LRP1B: variants seen among roughly 807,000 people sequenced by gnomAD.
The protein encoded by LRP1B is LDL receptor related protein 1B.
A neutral mutation model predicts 556.6 loss-of-function variants in LRP1B; 217 were observed. That is an observed-to-expected ratio of 0.39 (90% CI 0.35 to 0.44). The LOEUF (loss-of-function observed/expected upper bound fraction) is 0.44, where lower values mean the gene tolerates loss of function less well. LRP1B is among the 20% of genes least tolerant of loss of function. The pLI, the probability that LRP1B is intolerant of heterozygous loss-of-function variation, is 1.00. For synonymous variants in LRP1B, 2,047 were observed against 1,865.8 expected (o/e 1.10, Z -2.50); for missense variants, 5,053 against 5,620.8 (o/e 0.90, Z 3.23).
At chr2:140,653,300 T>C (rs986081582) in intron 41 of LRP1B, among the ~76,000 whole-genome samples, 1 of 152,074 alleles carries the variant, frequency 6.6e-6, no homozygotes, top group Non-Finnish European at 1.5e-5. Context: ...TAGCAAAAGT[T>C]TACTCCCTTG....
At chr2:140,882,452 C>A (rs1328047661) in intron 25 of LRP1B, among the ~76,000 whole-genome samples, 1 of 152,194 alleles carries the variant, frequency 6.6e-6, no homozygotes, top group African/African-American at 2.4e-5. Context: ...ACAGCTACTA[C>A]TCAGCTAGTT....
intron 7 of LRP1B, among the ~76,000 whole-genome samples, chr2:141,124,663 T>C (rs558006972): frequency 3.3e-5 from 2 of 60,852 alleles, no homozygotes; most frequent in East Asian, 7.9e-4. Context: ...GAGTGACAAA[T>C]GAAAAAAAAA....
intron 41 of LRP1B, among the ~76,000 whole-genome samples, chr2:140,681,343 C>T (rs561272588): frequency 2.6e-5 from 4 of 152,044 alleles, no homozygotes; most frequent in African/African-American, 9.7e-5. Flanking sequence ...AATTCATTCA[C>T]AGCTAAAGTC....
chr2:141,545,306 C>G (rs1407394931), intron 2 of LRP1B, among the ~76,000 whole-genome samples: 1 of 152,132 alleles, frequency 6.6e-6, no homozygotes, highest in Admixed American at 6.5e-5. Context: ...TAAGCACTTC[C>G]ACACTGTTGT....
intron 1 of LRP1B, among the ~76,000 whole-genome samples, chr2:141,977,288 G>A (rs1701913821): frequency 6.6e-6 from 1 of 151,980 alleles, no homozygotes; most frequent in Admixed American, 6.6e-5. Context: ...ATACTGAAAG[G>A]CCACTGGGCA....
intron 2 of LRP1B, among the ~76,000 whole-genome samples, chr2:141,583,312 C>G (rs1687017683): frequency 6.6e-6 from 1 of 152,070 alleles, no homozygotes; most frequent in African/African-American, 2.4e-5. Context: ...TCAGATACCT[C>G]TAAGGAGAGA....
chr2:141,934,615 T>G (rs919369560), intron 1 of LRP1B, among the ~76,000 whole-genome samples: 3 of 151,894 alleles, frequency 2.0e-5, no homozygotes, highest in Admixed American at 6.6e-5. Context: ...AATCCCCACA[T>G]GTTGTGGGAG....
chr2:140,851,447 T>C (rs1212865354), intron 28 of LRP1B, among the ~76,000 whole-genome samples: 1 of 152,106 alleles, frequency 6.6e-6, no homozygotes, highest in African/African-American at 2.4e-5. Flanking sequence ...AAGTACAACA[T>C]ATCACATATT....
chr2:140,977,177 T>C (rs1028769015), intron 18 of LRP1B, among the ~76,000 whole-genome samples: 2 of 152,116 alleles, frequency 1.3e-5, no homozygotes, highest in African/African-American at 2.4e-5. Flanking sequence ...TGGGAGGTAA[T>C]TGAAACATGG....
chr2:140,308,771 TATAA>T (rs1402373910), intron 83 of LRP1B, among the ~76,000 whole-genome samples: 3 of 151,834 alleles, frequency 2.0e-5, no homozygotes, highest in Admixed American at 6.6e-5. Context: ...AGAGCATAGT[TATAA>T]ATGTTTATAT....
rs147792677 is a variant in LRP1B at position 140,493,772 on chromosome 2, A to G, written c.9035-1079T>C. 8.9e-4 allele frequency among the ~76,000 whole-genome samples: 135 copies of G among 152,094 alleles called. 3 individuals are homozygous for G. Among genetic ancestry groups the G allele is most frequent in the South Asian group, 6.4e-3 (31 of 4,818 alleles). On this transcript the variant is annotated intron_variant, in intron 56 of 90. Coordinates refer to ENST00000389484, the MANE Select transcript of LRP1B (RefSeq NM_018557.3). Reference sequence around the variant, plus strand: ...CATTATTTTTCTCCCCTTGTCTTTTAGTTTTGTAATTAATATGTAATACCA... The same window carrying G: ...CATTATTTTTCTCCCCTTGTCTTTTGGTTTTGTAATTAATATGTAATACCA...
In LRP1B at chr2:140,370,848, C is replaced by G; in HGVS notation, c.10876-6G>C. 6.2e-7 allele frequency: 1 copy of G among 1,611,636 alleles called. No individual in the cohort carries two copies. The highest frequency in any genetic ancestry group is 8.5e-7 in the Non-Finnish European group (1 of 1,178,560). On this transcript the variant is annotated splice_polypyrimidine_tract_variant and splice_region_variant and intron_variant, in intron 70 of 90. Coordinates refer to ENST00000389484, the MANE Select transcript of LRP1B (RefSeq NM_018557.3). ...CATTCAGTCACACAGTCCATCTGTT[C>G]AAATACAAATGGACACTGCAGTTTT...
At chr2:141,033,617 G>T (rs1296730415) in intron 11 of LRP1B, among the ~76,000 whole-genome samples, 4 of 152,034 alleles carry the variant, frequency 2.6e-5, no homozygotes, top group African/African-American at 9.6e-5. Flanking sequence ...CCTTTGGGAG[G>T]TAATTAGGCT....
In LRP1B at chr2:142,066,283, G is replaced by GTTTA. The variant is rs1705105928; in HGVS notation, c.82+64361_82+64364dup. ...GTAAAATCATTAAGTCCAGTTTTTT[G>GTTTA]TTTAACAGTTCTTTGCTTACTCTAT... On this transcript the variant is annotated intron_variant, in intron 1 of 90. Transcript: ENST00000389484. Among the ~76,000 whole-genome samples, 5 of 151,272 alleles carry GTTTA rather than the reference G, an allele frequency of 3.3e-5. No individual in the cohort carries two copies. The South Asian group carries it at 1.0e-3, about 31-fold the overall frequency.
intron 7 of LRP1B, among the ~76,000 whole-genome samples, chr2:141,126,860 TTTC>T (rs946625061): frequency 1.3e-4 from 19 of 150,934 alleles, no homozygotes; most frequent in Middle Eastern, 3.4e-3. Flanking sequence ...TTAATTCATT[TTTC>T]TTCTTTTCTT....
At chr2:141,166,534 A>C (rs1680270093) in intron 7 of LRP1B, among the ~76,000 whole-genome samples, 1 of 151,892 alleles carries the variant, frequency 6.6e-6, no homozygotes, top group African/African-American at 2.4e-5. Flanking sequence ...TATGTTACAA[A>C]CATTCCATTT....
At position 140,349,422 on chromosome 2, in the gene LRP1B, T is replaced by C. The variant is rs1681857460; in HGVS notation, c.11892+1375A>G. Among the ~76,000 whole-genome samples the C allele has an allele frequency of 2.6e-5, 4 of 152,018 alleles. No individual in the cohort carries two copies. In the South Asian group the frequency reaches 8.3e-4, roughly 31 times the overall value. ...ATCATCAACAGAATCATCCTGTTAA[T>C]AGCATCCATCTAAATAATACTTCCT... On this transcript the variant is annotated intron_variant, in intron 77 of 90. Coordinates refer to ENST00000389484, the MANE Select transcript of LRP1B (RefSeq NM_018557.3).
intron 43 of LRP1B, among the ~76,000 whole-genome samples, chr2:140,556,327 A>G (rs1055448092): frequency 6.6e-6 from 1 of 151,982 alleles, no homozygotes; most frequent in South Asian, 2.1e-4. Flanking sequence ...GCCCCCCCAC[A>G]ATGTACTCTA....
At chr2:141,956,983 A>C (rs187152064) in intron 1 of LRP1B, among the ~76,000 whole-genome samples, 1 of 152,180 alleles carries the variant, frequency 6.6e-6, no homozygotes, top group African/African-American at 2.4e-5. Context: ...TCTTCCTGTC[A>C]GCTACTTTTG....
Sources: allele counts gnomAD v4.1 joint callset (sites outside exome capture counted in the v4.1 genomes callset), GRCh38; gene constraint gnomAD v4.1.1; transcripts MANE v1.5; gene names NCBI Gene and HGNC (gene_info 2026-07-23, HGNC 2026-07-21).